The following TBC1D8 variants were observed in gnomAD, a reference collection of about 807,000 sequenced individuals.
The protein encoded by TBC1D8 is BUB2-like protein 1.
In TBC1D8, 65 loss-of-function variants were observed where a neutral mutation model predicts 118.8. The observed-to-expected ratio is 0.55, with a 90% confidence interval of 0.45 to 0.67. The LOEUF is 0.67. TBC1D8 is among the 30% of genes least tolerant of loss of function. TBC1D8 has a pLI of 0.00. For missense variants in TBC1D8, 1,376 were observed against 1,471.2 expected, an observed-to-expected ratio of 0.94 and a Z score of 1.06; for synonymous variants, 566 against 595.8, an observed-to-expected ratio of 0.95 and a Z score of 0.73.
At chr2:101,094,319 G>A (rs67129810) in intron 1 of TBC1D8, among the ~76,000 whole-genome samples, 24,199 of 152,116 alleles carry the variant, frequency 0.16, 1,968 homozygotes, top group African/African-American at 0.19. Flanking sequence ...GGAGCTCAGT[G>A]ATTAGGAACA....
chr2:101,019,948 T>G (rs113118131), intron 17 of TBC1D8, among the ~76,000 whole-genome samples: 15,791 of 151,660 alleles, frequency 0.1, 941 homozygotes, highest in Non-Finnish European at 0.13. Flanking sequence ...GGTGGGCGCC[T>G]GTAGTCCCAG....
chr2:101,084,639 C>T lies in TBC1D8; in HGVS notation c.283+5570G>A, dbSNP rs1675482403. 3.9e-5 allele frequency among the ~76,000 whole-genome samples: 6 copies of T among 152,140 alleles called. No homozygotes were observed. In the South Asian group the frequency reaches 1.2e-3, roughly 31 times the overall value. The stretch of plus-strand genomic sequence containing the variant: ...TTTTCTCTCGGGCCTCCCTAGCCCT[C>T]TGCCCACCTGCACCTGTTATTCATG... On this transcript the variant is annotated intron_variant, in intron 2 of 19. Coordinates refer to ENST00000409318, the MANE Select transcript of TBC1D8 (RefSeq NM_001330348.2).
intron 1 of TBC1D8, among the ~76,000 whole-genome samples, chr2:101,128,227 A>G (rs1362552279): frequency 6.6e-6 from 1 of 152,224 alleles, no homozygotes; most frequent in Non-Finnish European, 1.5e-5. Context: ...GAAAAACAAA[A>G]CTACATGAAA....
intron 1 of TBC1D8, among the ~76,000 whole-genome samples, chr2:101,140,367 G>A (rs1050289029): frequency 1.3e-5 from 2 of 152,132 alleles, no homozygotes; most frequent in Non-Finnish European, 2.9e-5. Context: ...TCTGTAAAAT[G>A]ACACACCCCA....
chr2:101,107,266 A>C (rs1677282552), intron 1 of TBC1D8, among the ~76,000 whole-genome samples: 2 of 152,162 alleles, frequency 1.3e-5, no homozygotes, highest in African/African-American at 4.8e-5. Context: ...GCAATGGTTA[A>C]TTGTAGGTGT....
chr2:101,059,564 A>G, intron 2 of TBC1D8, 25 bp from the exon 3 acceptor site: 1 of 1,553,888 alleles, frequency 6.4e-7, no homozygotes, highest in Non-Finnish European at 8.9e-7. Context: ...AAAAAGATAC[A>G]GAGATTAAAA....
intron 2 of TBC1D8, among the ~76,000 whole-genome samples, chr2:101,085,300 G>C (rs1033058604): frequency 2.6e-5 from 4 of 152,068 alleles, no homozygotes; most frequent in African/African-American, 4.8e-5. Flanking sequence ...ACATGGTATG[G>C]CTGTGGTTAC....
At chr2:101,019,290 A>G (rs1679880570) in intron 17 of TBC1D8, 2 of 386,856 alleles carry the variant, frequency 5.2e-6, no homozygotes, top group Non-Finnish European at 9.4e-6. Flanking sequence ...TTCACATTTG[A>G]TGTAATCTCA....
intron 2 of TBC1D8, among the ~76,000 whole-genome samples, chr2:101,064,310 G>A (rs1169386879): frequency 6.6e-6 from 1 of 152,188 alleles, no homozygotes; most frequent in Non-Finnish European, 1.5e-5. Flanking sequence ...GCAATCCAAG[G>A]AGAGAGGAGA....
intron 1 of TBC1D8, among the ~76,000 whole-genome samples, chr2:101,143,839 G>C (rs1679215228): frequency 6.6e-6 from 1 of 152,384 alleles, no homozygotes. Flanking sequence ...AGGACTACAG[G>C]CGTGAGCCCC....
chr2:101,082,621 G>A (rs1285907853), intron 2 of TBC1D8, among the ~76,000 whole-genome samples: 1 of 152,180 alleles, frequency 6.6e-6, no homozygotes. Flanking sequence ...GACACCCACT[G>A]CAACATGCGG....
intron 2 of TBC1D8, among the ~76,000 whole-genome samples, chr2:101,070,180 G>C (rs907328283): frequency 6.6e-6 from 1 of 151,902 alleles, no homozygotes; most frequent in African/African-American, 2.4e-5. Context: ...ACCTCCCAAA[G>C]TGCTGGGATT....
intron 1 of TBC1D8, among the ~76,000 whole-genome samples, chr2:101,126,666 G>A (rs1678371298): frequency 6.6e-6 from 1 of 152,072 alleles, no homozygotes; most frequent in African/African-American, 2.4e-5. Context: ...GAAAACGTAT[G>A]GTATTATTAC....
In TBC1D8 at chr2:101,029,579, A is replaced by G; in HGVS notation, c.2134T>C (p.Phe712Leu). The change falls in exon 12 of 20, where the codon TTC (phenylalanine) becomes CTC (leucine). Residue 712 changes from phenylalanine to leucine, a missense_variant. Coordinates refer to ENST00000409318, the MANE Select transcript of TBC1D8 (RefSeq NM_001330348.2). ...CFFYDGIKAIFQLGLAVLEAN... is the reference protein window; with the variant it reads ...CFFYDGIKAILQLGLAVLEAN... ...TCAAGCACAGCCAGTCCCAGCTGGA[A>G]GATGGCTTTGATGCCATCATAGAAG... 6.2e-7 allele frequency: 1 copy of G among 1,613,980 alleles called. No homozygotes were observed. Among genetic ancestry groups the G allele is most frequent in the Non-Finnish European group, 8.5e-7 (1 of 1,179,872 alleles).
chr2:101,012,956 C>T (rs551336774), intron 17 of TBC1D8, among the ~76,000 whole-genome samples: 5 of 152,160 alleles, frequency 3.3e-5, no homozygotes, highest in Admixed American at 2.0e-4. Flanking sequence ...AATTGCAAAC[C>T]GTGAATGGTA....
At chr2:101,113,193 T>C (rs943607844) in intron 1 of TBC1D8, among the ~76,000 whole-genome samples, 17 of 152,214 alleles carry the variant, frequency 1.1e-4, no homozygotes, top group African/African-American at 3.9e-4. Flanking sequence ...CAATTTTTCC[T>C]GTTGATTCCA....
chr2:101,019,052 G>C (rs1333777981), intron 17 of TBC1D8: 1 of 1,609,378 alleles, frequency 6.2e-7, no homozygotes, highest in African/African-American at 1.3e-5. Context: ...GAGCCCTCCT[G>C]GAAGTGGATG....
chr2:101,118,820 C>A (rs1677969462), intron 1 of TBC1D8, among the ~76,000 whole-genome samples: 1 of 152,090 alleles, frequency 6.6e-6, no homozygotes, highest in Admixed American at 6.5e-5. Context: ...CCAGACCGGG[C>A]AACATGTTGA....
Position 101,071,377 on chromosome 2 carries a change from A to G in TBC1D8, c.284-11838T>C, listed in dbSNP as rs546866645. Among the ~76,000 whole-genome samples, 260 of 152,068 alleles carry G rather than the reference A, an allele frequency of 1.7e-3. 3 individuals carry two copies. Among genetic ancestry groups the G allele is most frequent in the East Asian group, 4.1e-3 (21 of 5,170 alleles). ...AACAAACAAACAAACAAATAAATAA[A>G]TAAATAAATAAATAAGCATCGGCCT... On this transcript the variant is annotated intron_variant, in intron 2 of 19. Transcript: ENST00000409318.
Sources: gnomAD v4.1 joint callset for allele counts (sites outside exome capture counted in the v4.1 genomes callset) on GRCh38, gnomAD v4.1.1 for gene constraint, MANE v1.5 for transcripts, NCBI Gene and HGNC (gene_info 2026-07-23, HGNC 2026-07-21) for gene names.